The following ALK variants were observed in gnomAD, a reference collection of about 807,000 sequenced individuals.
The protein encoded by ALK is ALK tyrosine kinase receptor.
In ALK, 74 loss-of-function variants were observed where a neutral mutation model predicts 163.1. The ratio of observed to expected loss-of-function variants is 0.45; its 90% CI spans 0.38 to 0.55. The LOEUF (loss-of-function observed/expected upper bound fraction) is 0.55. Ranked by LOEUF, ALK falls within the 20% of genes least tolerant of loss-of-function variation. ALK has a pLI of 0.00. For synonymous variants in ALK, 960 were observed against 843.2 expected (o/e 1.14, Z -2.40); for missense variants, 2,063 against 2,105.3 (o/e 0.98, Z 0.39).
intron 3 of ALK, among the ~76,000 whole-genome samples, chr2:29,664,021 G>C (rs1038387075): frequency 2.0e-5 from 3 of 152,122 alleles, no homozygotes; most frequent in African/African-American, 7.2e-5. Context: ...CTTGGTTTCT[G>C]GGTTCCTCAT....
chr2:29,436,855 G>C (rs1670413363), intron 4 of ALK, among the ~76,000 whole-genome samples: 1 of 152,138 alleles, frequency 6.6e-6, no homozygotes, highest in Non-Finnish European at 1.5e-5. Context: ...TCACAGACCA[G>C]CCAGAGGAGA....
chr2:29,249,377 A>G (rs925247190), intron 12 of ALK, among the ~76,000 whole-genome samples: 10 of 152,104 alleles, frequency 6.6e-5, no homozygotes, highest in Admixed American at 2.0e-4. Context: ...GTGTTGCCCA[A>G]TATCCCTTCA....
intron 1 of ALK, among the ~76,000 whole-genome samples, chr2:29,777,834 T>G (rs1423575158): frequency 1.3e-5 from 2 of 152,222 alleles, no homozygotes; most frequent in Non-Finnish European, 2.9e-5. Context: ...TTTCTAGCTC[T>G]GACTGCCCAA....
intron 1 of ALK, among the ~76,000 whole-genome samples, chr2:29,844,272 G>A (rs1381637412): frequency 1.3e-5 from 2 of 152,212 alleles, no homozygotes; most frequent in Non-Finnish European, 2.9e-5. Flanking sequence ...CAGAGGTGCT[G>A]TTGCGTGGCT....
intron 11 of ALK, among the ~76,000 whole-genome samples, chr2:29,272,246 C>T (rs144255604): frequency 1.3e-3 from 203 of 151,928 alleles, no homozygotes; most frequent in African/African-American, 4.7e-3. Context: ...GTCACATTAC[C>T]CCAATCATTT....
At chr2:29,917,899 A>G (rs1667878546) in intron 1 of ALK, among the ~76,000 whole-genome samples, 1 of 152,204 alleles carries the variant, frequency 6.6e-6, no homozygotes, top group African/African-American at 2.4e-5. Context: ...TGAAATCAGC[A>G]TTGCTAGATG....
At chr2:29,828,756 G>A (rs943359452) in intron 1 of ALK, among the ~76,000 whole-genome samples, 2 of 151,784 alleles carry the variant, frequency 1.3e-5, no homozygotes, top group African/African-American at 4.8e-5. Context: ...AGACAGTGTG[G>A]CGATTCCTCA....
At chr2:29,541,323 G>A (rs188660599) in intron 3 of ALK, among the ~76,000 whole-genome samples, 13 of 152,106 alleles carry the variant, frequency 8.5e-5, no homozygotes, top group East Asian at 1.9e-4. Flanking sequence ...TTTTTTGTTC[G>A]AGACAGAGTC....
chr2:29,593,426 C>T (rs1314340525), intron 3 of ALK, among the ~76,000 whole-genome samples: 4 of 152,172 alleles, frequency 2.6e-5, no homozygotes, highest in Non-Finnish European at 2.9e-5. Context: ...CCCTCTTCAC[C>T]GGGATCACTA....
chr2:29,487,553 G>T (rs142729913), intron 4 of ALK, among the ~76,000 whole-genome samples: 127 of 152,324 alleles, frequency 8.3e-4, no homozygotes, highest in African/African-American at 3.0e-3. Context: ...TCAGATTCAA[G>T]GTTGAAGTCC....
chr2:29,312,990 T>C (rs114348769), intron 8 of ALK, among the ~76,000 whole-genome samples: 1,770 of 147,756 alleles, frequency 0.012, 47 homozygotes, highest in African/African-American at 0.042. Context: ...GTGAGGGAGA[T>C]AGAGATAACA....
At chr2:29,535,239 G>A (rs916710218) in intron 3 of ALK, among the ~76,000 whole-genome samples, 7 of 152,214 alleles carry the variant, frequency 4.6e-5, no homozygotes. Flanking sequence ...GCAGATCAAA[G>A]AGCTCTGCTC....
chr2:29,296,200 C>G (rs1666172795), intron 9 of ALK, among the ~76,000 whole-genome samples: 1 of 152,224 alleles, frequency 6.6e-6, no homozygotes. Flanking sequence ...GGATGTTGCT[C>G]AAAGTCACAG....
chr2:29,819,874 C>T (rs570843465), intron 1 of ALK, among the ~76,000 whole-genome samples: 176 of 152,322 alleles, frequency 1.2e-3, no homozygotes, highest in Non-Finnish European at 1.7e-3. Context: ...AGGGATAGAA[C>T]AGAATGAAAT....
At chr2:29,420,928 T>C (rs973958910) in intron 4 of ALK, among the ~76,000 whole-genome samples, 1 of 151,584 alleles carries the variant, frequency 6.6e-6, no homozygotes, top group African/African-American at 2.4e-5. Flanking sequence ...CTCCACTTTG[T>C]GATTACATGC....
At chr2:29,210,876 C>T (rs1055990142) in intron 24 of ALK, among the ~76,000 whole-genome samples, 25 of 152,232 alleles carry the variant, frequency 1.6e-4, no homozygotes, top group African/African-American at 3.1e-4. Context: ...CATGGTCAAC[C>T]GCTGTCCAAG....
At chr2:29,475,413 G>A (rs1028909118) in intron 4 of ALK, among the ~76,000 whole-genome samples, 7 of 152,146 alleles carry the variant, frequency 4.6e-5, no homozygotes, top group Non-Finnish European at 1.0e-4. Context: ...AGGTCACACG[G>A]CGTAGGTGGC....
intron 3 of ALK, among the ~76,000 whole-genome samples, chr2:29,613,391 C>T (rs755361731): frequency 1.3e-5 from 2 of 152,178 alleles, no homozygotes; most frequent in Non-Finnish European, 2.9e-5. Context: ...ACCTCAATCC[C>T]TTTTGCATTT....
rs942050840 is a variant in ALK at position 29,366,516 on chromosome 2, G to C, written c.1282+17216C>G. ...GAGGGGCCCAGAGGTGGTCGAGAGG[G>C]TGTGGGCAGACCTGGAGGTCCTGTG... On this transcript the variant is annotated intron_variant, in intron 5 of 28. Transcript: ENST00000389048. Among the ~76,000 whole-genome samples the C allele has an allele frequency of 5.3e-5, 8 of 152,334 alleles. No individual in the cohort carries two copies. In the East Asian group the frequency reaches 1.5e-3, roughly 29 times the overall value.
Sources: gnomAD v4.1 joint callset for allele counts (sites outside exome capture counted in the v4.1 genomes callset) on GRCh38, gnomAD v4.1.1 for gene constraint, MANE v1.5 for transcripts, NCBI Gene and HGNC (gene_info 2026-07-23, HGNC 2026-07-21) for gene names.